The following OSBPL10 variants were observed in gnomAD, a reference collection of about 807,000 sequenced individuals.
The protein encoded by OSBPL10 is oxysterol-binding protein-related protein 10.
A neutral mutation model predicts 81.7 loss-of-function variants in OSBPL10; 49 were observed. The ratio of observed to expected loss-of-function variants is 0.60; its 90% CI spans 0.48 to 0.76. OSBPL10 has a LOEUF of 0.76. Among genes scored for constraint, OSBPL10 ranks in the 30% least tolerant of loss-of-function variants. The probability of loss-of-function intolerance (pLI) is 0.00; values close to 1 mark genes in which losing one functional copy is unlikely to be tolerated. For synonymous variants in OSBPL10, 419 were observed against 383.6 expected (o/e 1.09, Z -1.08); for missense variants, 923 against 987.8 (o/e 0.93, Z 0.88).
chr3:31,915,671 A>T (rs1696733912), intron 1 of OSBPL10, among the ~76,000 whole-genome samples: 1 of 152,166 alleles, frequency 6.6e-6, no homozygotes, highest in Non-Finnish European at 1.5e-5. Context: ...TGCCTAGGTG[A>T]CAGGATCATT....
chr3:31,709,076 C>T (rs970283319), intron 6 of OSBPL10: 26 of 977,816 alleles, frequency 2.7e-5, no homozygotes, highest in African/African-American at 2.1e-4. Context: ...GATTCAACAA[C>T]GAGGCCACTG....
At chr3:31,846,666 A>G (rs1306460850) in intron 3 of OSBPL10, among the ~76,000 whole-genome samples, 1 of 141,034 alleles carries the variant, frequency 7.1e-6, no homozygotes, top group East Asian at 2.1e-4. Flanking sequence ...AAATAAATAA[A>G]TCCTATTGGG....
intron 4 of OSBPL10, among the ~76,000 whole-genome samples, chr3:31,753,131 C>T (rs577451260): frequency 6.6e-6 from 1 of 151,772 alleles, no homozygotes; most frequent in African/African-American, 2.4e-5. Context: ...TTAACGTAGG[C>T]ACTTTTTCAC....
At chr3:31,952,300 C>T (rs958907664) in intron 1 of OSBPL10, among the ~76,000 whole-genome samples, 20 of 151,642 alleles carry the variant, frequency 1.3e-4, no homozygotes, top group Non-Finnish European at 2.8e-4. Context: ...TGTCCAGGTT[C>T]TTTTCTTGTT....
At chr3:31,833,436 A>G (rs1324669584) in intron 3 of OSBPL10, among the ~76,000 whole-genome samples, 1 of 152,220 alleles carries the variant, frequency 6.6e-6, no homozygotes, top group African/African-American at 2.4e-5. Flanking sequence ...TAGATTATGC[A>G]TATACAATAC....
At chr3:31,671,986 C>A (rs1214660978) in intron 8 of OSBPL10, among the ~76,000 whole-genome samples, 2 of 152,108 alleles carry the variant, frequency 1.3e-5, no homozygotes, top group Non-Finnish European at 2.9e-5. Context: ...ATATTCTTGG[C>A]TCCACTCCAG....
intron 1 of OSBPL10, among the ~76,000 whole-genome samples, chr3:31,934,410 CT>C (rs11456297): frequency 1.2e-3 from 164 of 141,686 alleles, no homozygotes; most frequent in Non-Finnish European, 1.4e-3. Flanking sequence ...AAAATTCATT[CT>C]TTTTTTTTTT....
intron 7 of OSBPL10, 113 bp from the exon 8 acceptor site, chr3:31,684,227 G>C (rs1277752860): frequency 2.9e-6 from 4 of 1,401,948 alleles, no homozygotes. Context: ...CTCCAGCCAG[G>C]GAGCAGTCTG....
At position 32,064,575 on chromosome 3, in the gene OSBPL10, GA is replaced by G. The variant is rs113701739; in HGVS notation, n.185+12820del. Among the ~76,000 whole-genome samples, 7 of 89,948 alleles carry G rather than the reference GA, an allele frequency of 7.8e-5. 2 individuals are homozygous for G. The highest frequency in any genetic ancestry group is 1.4e-4 in the African/African-American group (5 of 34,902). The allele number at this position is 89,948 out of a possible 152,430, so 59.0% of individuals were successfully genotyped here. The stretch of plus-strand genomic sequence containing the variant: ...CAAAAGAGAATCTCAAGTTTTTAAA[GA>G]AAAAAAAAGATGAATCAGGAGAGGA... On this transcript the variant is annotated intron_variant and non_coding_transcript_variant, in intron 1 of 3. Coordinates refer to the OSBPL10 transcript ENST00000479173.
At chr3:31,965,581 T>G (rs1412889053) in intron 1 of OSBPL10, among the ~76,000 whole-genome samples, 10 of 82,854 alleles carry the variant, frequency 1.2e-4, no homozygotes, top group Admixed American at 2.2e-4. Context: ...ATATAATATA[T>G]TATATAAATT....
intron 4 of OSBPL10, among the ~76,000 whole-genome samples, chr3:31,781,985 C>CTG (rs1307099785): frequency 1.3e-5 from 2 of 152,124 alleles, no homozygotes; most frequent in African/African-American, 4.8e-5. Flanking sequence ...AAAAAAGACC[C>CTG]TGCATAGCCA....
intron 4 of OSBPL10, among the ~76,000 whole-genome samples, chr3:31,759,051 T>G (rs1697961988): frequency 6.6e-6 from 1 of 151,810 alleles, no homozygotes; most frequent in Admixed American, 6.5e-5. Flanking sequence ...TTTCCTCCCC[T>G]ATGATTTCTA....
chr3:31,967,189 T>C (rs1698426188), intron 1 of OSBPL10, among the ~76,000 whole-genome samples: 1 of 152,188 alleles, frequency 6.6e-6, no homozygotes, highest in South Asian at 2.1e-4. Context: ...CTGAGACATC[T>C]TTCCAGCTCT....
chr3:31,844,920 T>C (rs1396036121), intron 3 of OSBPL10, among the ~76,000 whole-genome samples: 1 of 151,864 alleles, frequency 6.6e-6, no homozygotes, highest in Non-Finnish European at 1.5e-5. Context: ...CAAAACAATG[T>C]TTTTTAAAAA....
chr3:31,716,969 C>T (rs3792547), intron 6 of OSBPL10: 45,986 of 152,050 alleles, frequency 0.3, 8,221 homozygotes, highest in East Asian at 0.6. Flanking sequence ...ATTTCTGAAG[C>T]GTACGATAAC....
At chr3:31,843,136 T>G (rs1305244834) in intron 3 of OSBPL10, among the ~76,000 whole-genome samples, 1 of 152,228 alleles carries the variant, frequency 6.6e-6, no homozygotes, top group Non-Finnish European at 1.5e-5. Flanking sequence ...TCCTACCTTC[T>G]GACCTGGGAC....
At chr3:31,706,405 T>C (rs554013450) in intron 6 of OSBPL10, among the ~76,000 whole-genome samples, 3 of 152,326 alleles carry the variant, frequency 2.0e-5, no homozygotes, top group African/African-American at 7.2e-5. Context: ...GCCCCTTCGC[T>C]GACCTCCAGC....
upstream of OSBPL10, among the ~76,000 whole-genome samples, chr3:31,982,576 G>A (rs956755755): frequency 6.6e-6 from 1 of 151,966 alleles, no homozygotes; most frequent in African/African-American, 2.4e-5. Flanking sequence ...AGAGATGCAC[G>A]GAGAAGCTTC....
At chr3:31,718,655 T>C (rs1696531409) in intron 6 of OSBPL10, 1 of 152,226 alleles carries the variant, frequency 6.6e-6, no homozygotes, top group Non-Finnish European at 1.5e-5. Flanking sequence ...GAAATTGATA[T>C]TTAACTGAAT....
Sources: gnomAD v4.1 joint callset for allele counts (sites outside exome capture counted in the v4.1 genomes callset) on GRCh38, gnomAD v4.1.1 for gene constraint, MANE v1.5 for transcripts, NCBI Gene and HGNC (gene_info 2026-07-23, HGNC 2026-07-21) for gene names.